CFAP44: variants seen among roughly 807,000 people sequenced by gnomAD.
CFAP44 encodes the protein cilia- and flagella-associated protein 44.
Under a neutral mutation model 216.2 loss-of-function variants are expected in CFAP44, and 134 were observed. The ratio of observed to expected loss-of-function variants is 0.62; its 90% confidence interval spans 0.54 to 0.72. The LOEUF (loss-of-function observed/expected upper bound fraction) is 0.72, where lower values mean the gene tolerates loss of function less well. Among genes scored for constraint, CFAP44 ranks in the 30% least tolerant of loss-of-function variants. CFAP44 has a pLI of 0.00. For missense variants in CFAP44, 2,035 were observed against 2,182.1 expected (o/e 0.93, Z 1.34); for synonymous variants, 700 against 727.6 (o/e 0.96, Z 0.61).
chr3:113,342,973 G>C (rs372463501), intron 23 of CFAP44, among the ~76,000 whole-genome samples: 3 of 150,128 alleles, frequency 2.0e-5, no homozygotes, highest in South Asian at 2.1e-4. Flanking sequence ...AACAGAGAGA[G>C]ACTCTGTATC....
chr3:113,348,404 T>G (rs1244478207), intron 22 of CFAP44, among the ~76,000 whole-genome samples: 1 of 152,202 alleles, frequency 6.6e-6, no homozygotes, highest in Non-Finnish European at 1.5e-5. Flanking sequence ...AATGGCCACC[T>G]GAGGGAAGTA....
chr3:113,307,348 A>T (rs1949996104), intron 29 of CFAP44, among the ~76,000 whole-genome samples: 2 of 152,238 alleles, frequency 1.3e-5, no homozygotes, highest in Admixed American at 6.5e-5. Context: ...TCTGCATATT[A>T]TTTGTCACTC....
In CFAP44 at chr3:113,396,533, T is replaced by C. The variant is rs2107354857; in HGVS notation, c.1764A>G (p.Glu588=). 1 of 1,614,092 alleles carries C rather than the reference T, an allele frequency of 6.2e-7. No homozygotes were observed. Among genetic ancestry groups the C allele is most frequent in the Non-Finnish European group, 8.5e-7 (1 of 1,179,980 alleles). The change falls in exon 14 of 35, where the codon GAA becomes GAG. Residue 588 remains glutamate, a synonymous_variant. Coordinates refer to ENST00000393845, the MANE Select transcript of CFAP44 (RefSeq NM_001164496.2). The stretch of plus-strand genomic sequence containing the variant: ...TACTGCTTACCCCTGTGGCTAGAAT[T>C]TCCCCATCACGTTCATAAGCTAAAG... ...VTALAYERDG[E]ILATGSKDQT...
At chr3:113,323,113 T>C (rs1950159538) in intron 28 of CFAP44, among the ~76,000 whole-genome samples, 1 of 152,130 alleles carries the variant, frequency 6.6e-6, no homozygotes, top group African/African-American at 2.4e-5. Context: ...CTCCCATACA[T>C]GTGGGGATTA....
Position 113,291,593 on chromosome 3 carries a change from A to G in CFAP44, c.5529T>C (p.Ser1843=). ...KGSLILPPIQ[S]PREKEIQPAD... ...CGGGCTGTATCTCTTTCTCTCGTGG[A>G]GACTGAATGGGTGGGAGGATAAGAC... Residue 1843 remains serine, a synonymous_variant, in exon 35 of 35, where the codon TCT becomes TCC. Transcript: ENST00000393845. The G allele has an allele frequency of 6.5e-7, 1 of 1,537,254 alleles. No individual in the cohort carries two copies. The highest frequency in any genetic ancestry group is 1.2e-5 in the South Asian group (1 of 84,062).
At chr3:113,439,633 C>T (rs1326181840) in intron 1 of CFAP44, among the ~76,000 whole-genome samples, 1 of 152,170 alleles carries the variant, frequency 6.6e-6, no homozygotes, top group Non-Finnish European at 1.5e-5. Context: ...TTTTAGAAAG[C>T]CGCTCTCTGT....
chr3:113,327,317 C>T (rs113316270), intron 27 of CFAP44, among the ~76,000 whole-genome samples: 1 of 152,076 alleles, frequency 6.6e-6, no homozygotes, highest in African/African-American at 2.4e-5. Context: ...TTTTAGGGAA[C>T]CCAACTCACC....
chr3:113,384,932 G>A (rs1197340852), intron 15 of CFAP44, among the ~76,000 whole-genome samples: 1 of 152,172 alleles, frequency 6.6e-6, no homozygotes, highest in East Asian at 1.9e-4. Flanking sequence ...TGGTTTGGCT[G>A]TGTCCCCACC....
chr3:113,396,302 AT>A (rs955915309), intron 14 of CFAP44, among the ~76,000 whole-genome samples: 3 of 152,214 alleles, frequency 2.0e-5, no homozygotes, highest in Non-Finnish European at 4.4e-5. Flanking sequence ...TTGTAAGAAT[AT>A]TTTTAAGTGT....
rs1934654212 is a variant in CFAP44 at position 113,416,591 on chromosome 3, T to C, written c.607A>G (p.Lys203Glu). The change falls in exon 6 of 35, where the codon AAA becomes GAA. Residue 203 changes from lysine (K) to glutamate (E), a missense_variant. This residue lies in a region of CFAP44 where 1,883 missense variants were observed against 2,023.7 expected (regional missense o/e 0.93). Coordinates refer to ENST00000393845, the MANE Select transcript of CFAP44 (RefSeq NM_001164496.2). ...PHKTYFTVAE[K>E]GSFPDIIIYE... ...ATGATAATATCTGGAAAACTCCCTT[T>C]TTCAGCTACTGTGAAATAAGTTTTA... The C allele has an allele frequency of 1.2e-6, 2 of 1,612,378 alleles. No homozygotes were observed. Among genetic ancestry groups the C allele is most frequent in the Non-Finnish European group, 8.5e-7 (1 of 1,178,992 alleles).
Position 113,298,575 on chromosome 3 carries a change from G to C in CFAP44, c.5078-1690C>G, listed in dbSNP as rs1160795065. Among the ~76,000 whole-genome samples, 3 of 152,134 alleles carry C rather than the reference G, an allele frequency of 2.0e-5. No homozygotes were observed. In the East Asian group the frequency reaches 5.8e-4, roughly 29 times the overall value. Reference sequence around the variant, plus strand: ...TACTATTCACAATAGCCAAAAAATGGGAAGCAATCCAGCTGCCCATTGACA... The same window carrying C: ...TACTATTCACAATAGCCAAAAAATGCGAAGCAATCCAGCTGCCCATTGACA... On this transcript the variant is annotated intron_variant, in intron 32 of 34. Transcript: ENST00000393845.
At chr3:113,438,590 A>G (rs745953249) in intron 1 of CFAP44, among the ~76,000 whole-genome samples, 5 of 152,242 alleles carry the variant, frequency 3.3e-5, no homozygotes, top group Admixed American at 1.3e-4. Context: ...TGAATAGATG[A>G]AAGAACAAGA....
At chr3:113,436,066 T>C (rs912517745) in intron 1 of CFAP44, among the ~76,000 whole-genome samples, 3 of 152,054 alleles carry the variant, frequency 2.0e-5, no homozygotes. Flanking sequence ...AGTAGCAAAA[T>C]CTTTTAAAAT....
intron 24 of CFAP44, among the ~76,000 whole-genome samples, chr3:113,333,812 A>G (rs970040368): frequency 6.6e-6 from 1 of 152,180 alleles, no homozygotes; most frequent in African/African-American, 2.4e-5. Flanking sequence ...ACCAATCACT[A>G]GATTGTACTG....
At chr3:113,308,307 T>G in intron 28 of CFAP44, 39 bp from the exon 29 acceptor site, 2 of 1,404,340 alleles carry the variant, frequency 1.4e-6, no homozygotes, top group Non-Finnish European at 1.9e-6. Context: ...AAGAAGCTTC[T>G]ATATTAAACT....
At chr3:113,425,859 A>C (rs1252263725) in intron 4 of CFAP44, 1 of 346,926 alleles carries the variant, frequency 2.9e-6, no homozygotes, top group East Asian at 4.8e-5. Context: ...GTTGGCACAC[A>C]TTTTTTTATA....
rs543168745 is a variant in CFAP44, at chr3:113,291,189, A to C, written c.*368T>G. ...AACAAAGTTTTCTCATGAATTGCTG[A>C]ATGATAGTTTTTCTTGCCAAGGGCT... On this transcript the variant is annotated 3_prime_UTR_variant, in exon 35 of 35. Coordinates refer to ENST00000393845, the MANE Select transcript of CFAP44 (RefSeq NM_001164496.2). 1.1e-4 allele frequency: 19 copies of C among 173,602 alleles called. No homozygotes were observed. The South Asian group carries it at 2.1e-3, about 19-fold the overall frequency. 10.8% of individuals were successfully genotyped at this position (173,602 alleles called of 1,614,324 possible). A position where few individuals can be genotyped will look rare whatever the true frequency, so the allele number is the denominator to read the frequency against.
Position 113,410,403 on chromosome 3 carries a change from G to T in CFAP44, c.674-1081C>A, listed in dbSNP as rs201344088. Among the ~76,000 whole-genome samples the T allele has an allele frequency of 2.0e-5, 3 of 152,118 alleles. No individual in the cohort carries two copies. In the East Asian group the frequency reaches 5.8e-4, roughly 29 times the overall value. On this transcript the variant is annotated intron_variant, in intron 6 of 34. Coordinates refer to ENST00000393845, the MANE Select transcript of CFAP44 (RefSeq NM_001164496.2). The stretch of plus-strand genomic sequence containing the variant: ...TATGAGTGAGAACATGCAGTGTTTG[G>T]TTTTTTGTCCTTGCAATAGTTTGCT...
chr3:113,314,905 A>G (rs1950072769), intron 28 of CFAP44, among the ~76,000 whole-genome samples: 1 of 152,160 alleles, frequency 6.6e-6, no homozygotes, highest in Admixed American at 6.5e-5. Flanking sequence ...AATGAAATAT[A>G]AAGAGCAACA....
Sources: allele counts gnomAD v4.1 joint callset (sites outside exome capture counted in the v4.1 genomes callset), GRCh38; gene constraint gnomAD v4.1.1; regional missense constraint gnomAD v4.1.1; transcripts MANE v1.5; gene names NCBI Gene and HGNC (gene_info 2026-07-23, HGNC 2026-07-21).